Variants in GPLD1 observed in about 807,000 individuals in gnomAD.
GPLD1 encodes the protein phosphatidylinositol-glycan-specific phospholipase D.
Under a neutral mutation model 112.6 loss-of-function variants are expected in GPLD1, and 84 were observed. That is an observed-to-expected ratio of 0.75 (90% CI 0.63 to 0.89). The LOEUF (loss-of-function observed/expected upper bound fraction) is 0.89. Ranked by LOEUF, GPLD1 falls within the 40% of genes least tolerant of loss-of-function variation. GPLD1 has a pLI of 0.00. For synonymous variants in GPLD1, 386 were observed against 403.8 expected, an observed-to-expected ratio of 0.96 and a Z score of 0.53; for missense variants, 1,044 against 1,051.5, an observed-to-expected ratio of 0.99 and a Z score of 0.10.
At position 24,446,900 on chromosome 6, in the gene GPLD1, A is replaced by G; in HGVS notation, c.1758T>C (p.Gly586=). 6.2e-7 allele frequency: 1 copy of G among 1,614,098 alleles called. No individual in the cohort carries two copies. The change falls in exon 18 of 25, where the codon GGT becomes GGC. Residue 586 remains glycine, a synonymous_variant. Transcript: ENST00000230036. Reference sequence around the variant, plus strand: ...GCAAGGTTCTGTTGTCCACAGTGACACCGTGAAGGGAATATCCAAACCAGG... The same window carrying G: ...GCAAGGTTCTGTTGTCCACAGTGACGCCGTGAAGGGAATATCCAAACCAGG... The part of the protein sequence containing the change: ...DFSWFGYSLH[G]VTVDNRTLLL...
Position 24,477,926 on chromosome 6 carries a change from T to C in GPLD1, c.233-1648A>G, listed in dbSNP as rs372583194. Among the ~76,000 whole-genome samples the C allele has an allele frequency of 8.5e-5, 13 of 152,318 alleles. No homozygotes were observed. The East Asian group carries it at 2.3e-3, about 27-fold the overall frequency. On this transcript the variant is annotated intron_variant, in intron 3 of 24. Coordinates refer to ENST00000230036, the MANE Select transcript of GPLD1 (RefSeq NM_001503.4). The stretch of plus-strand genomic sequence containing the variant: ...TGCAAAAAAACCTAAGTGGAATAAG[T>C]GGAATTTGTATGCAAATTCCCTGTA...
intron 14 of GPLD1, among the ~76,000 whole-genome samples, chr6:24,453,528 C>G (rs777456643): frequency 3.9e-5 from 6 of 152,022 alleles, no homozygotes; most frequent in Non-Finnish European, 8.8e-5. Flanking sequence ...ACCAGCTACT[C>G]AGGAGGCTGA....
intron 7 of GPLD1, among the ~76,000 whole-genome samples, chr6:24,469,694 G>T (rs546247443): frequency 7.0e-6 from 1 of 142,234 alleles, no homozygotes; most frequent in East Asian, 2.1e-4. Context: ...CGAGTTAGTG[G>T]GTGCAGCGCA....
At chr6:24,429,698 C>T (rs1435235617) in intron 24 of GPLD1, among the ~76,000 whole-genome samples, 4 of 152,180 alleles carry the variant, frequency 2.6e-5, no homozygotes, top group Admixed American at 2.6e-4. Context: ...CAGGCATGTG[C>T]CACCACATCT....
intron 20 of GPLD1, among the ~76,000 whole-genome samples, chr6:24,445,026 T>C (rs1225176032): frequency 6.6e-6 from 1 of 152,014 alleles, no homozygotes; most frequent in Non-Finnish European, 1.5e-5. Flanking sequence ...CTTATTTTAT[T>C]TTATTTTTAT....
intron 3 of GPLD1, among the ~76,000 whole-genome samples, chr6:24,478,635 C>T (rs1489417732): frequency 1.3e-5 from 2 of 152,094 alleles, no homozygotes; most frequent in Non-Finnish European, 2.9e-5. Flanking sequence ...ACTGACAGAT[C>T]AGAGAAAAAG....
At chr6:24,462,663 A>G in intron 11 of GPLD1, 67 bp downstream of exon 11, 1 of 993,020 alleles carries the variant, frequency 1.0e-6, no homozygotes. Context: ...CGTGTTCTCA[A>G]CCTCTATAGG....
chr6:24,487,776 T>C (rs553557302), intron 1 of GPLD1, among the ~76,000 whole-genome samples: 2 of 152,338 alleles, frequency 1.3e-5, no homozygotes, highest in East Asian at 1.9e-4. Flanking sequence ...CTCTTTTCCA[T>C]TGTTTCCTGA....
intron 14 of GPLD1, among the ~76,000 whole-genome samples, chr6:24,450,385 C>T (rs1763042843): frequency 1.3e-5 from 2 of 152,126 alleles, no homozygotes; most frequent in African/African-American, 2.4e-5. Context: ...CCTGTAATCC[C>T]AGCTACTCTG....
At chr6:24,474,174 T>TACACACACACACACAC (rs56324939) in intron 5 of GPLD1, among the ~76,000 whole-genome samples, 72 of 145,634 alleles carry the variant, frequency 4.9e-4, no homozygotes, top group African/African-American at 1.6e-3. Context: ...CACACCCACA[T>TACACACACACACACAC]ACACACACAC....
intron 1 of GPLD1, chr6:24,494,728 C>G (rs778655513): frequency 2.9e-6 from 1 of 339,096 alleles, no homozygotes; most frequent in African/African-American, 2.1e-5. Context: ...CCTTCTCCAT[C>G]CCCGAACCCA....
Position 24,475,227 on chromosome 6 carries a change from G to T in GPLD1, c.335C>A (p.Thr112Lys), listed in dbSNP as rs752060847. 11 of 1,573,486 alleles carry T rather than the reference G, an allele frequency of 7.0e-6. No individual in the cohort carries two copies. The East Asian group carries it at 1.1e-4, about 16-fold the overall frequency. ...AAACAAGAAAGCTACCAGTTTCTCTGTGTCCTGCCAAACAAGCAAATTAGA... is the reference window on the plus strand; with the variant it reads ...AAACAAGAAAGCTACCAGTTTCTCTTTGTCCTGCCAAACAAGCAAATTAGA... ...ENYPLPWEKD[T>K]EKLVAFLFGI... Residue 112 changes from threonine (T) to lysine (K), a missense_variant, in exon 5 of 25, where the codon ACA (threonine) becomes AAA (lysine). By Grantham distance (78) the Thr-to-Lys change is moderately conservative. Coordinates refer to ENST00000230036, the MANE Select transcript of GPLD1 (RefSeq NM_001503.4).
intron 20 of GPLD1, among the ~76,000 whole-genome samples, chr6:24,443,245 G>C (rs9379661): frequency 0.4 from 60,859 of 152,012 alleles, 13,074 homozygotes; most frequent in East Asian, 0.6. Context: ...GAGAGCTCCC[G>C]GCTTCTAGTG....
Position 24,446,830 on chromosome 6 carries a change from A to G in GPLD1, c.1820+8T>C. On this transcript the variant is annotated splice_region_variant and intron_variant, in intron 18 of 24. Coordinates refer to ENST00000230036, the MANE Select transcript of GPLD1 (RefSeq NM_001503.4). ...TTCATGGTTCCCAGCCCCCAGCATC[A>G]GCCTCACCTGCTGGCATTCTTCCAG... The G allele has an allele frequency of 1.2e-6, 2 of 1,612,592 alleles. No homozygotes were observed. The highest frequency in any genetic ancestry group is 1.7e-6 in the Non-Finnish European group (2 of 1,179,338).
rs151012335 is a variant in GPLD1 at position 24,453,379 on chromosome 6, T to C, written c.1335+636A>G. Among the ~76,000 whole-genome samples, 1,436 of 152,312 alleles carry C rather than the reference T, an allele frequency of 9.4e-3. 4 individuals carry two copies. The highest frequency in any genetic ancestry group is 0.017 in the African/African-American group (691 of 41,562). ...GGACGGATGCAGTGGCTCACGCCTGTAATCCCAGCACTTTGGGAGGCCAAG... is the reference window on the plus strand; with the variant it reads ...GGACGGATGCAGTGGCTCACGCCTGCAATCCCAGCACTTTGGGAGGCCAAG... On this transcript the variant is annotated intron_variant, in intron 14 of 24. Coordinates refer to ENST00000230036, the MANE Select transcript of GPLD1 (RefSeq NM_001503.4).
At chr6:24,442,254 A>G (rs12198188) in intron 20 of GPLD1, among the ~76,000 whole-genome samples, 33,570 of 149,464 alleles carry the variant, frequency 0.22, 3,952 homozygotes, top group Non-Finnish European at 0.25. Flanking sequence ...TCCTCAGTAG[A>G]TGGAACTACA....
chr6:24,477,499 C>A lies in GPLD1; in HGVS notation c.233-1221G>T, dbSNP rs563329003. 2.0e-3 allele frequency among the ~76,000 whole-genome samples: 302 copies of A among 151,974 alleles called. 1 individual carries two copies. The highest frequency in any genetic ancestry group is 3.4e-3 in the Non-Finnish European group (234 of 67,972). ...TTTGGGAGGCTGAAGTGGGAGGACCCCCTGAGGCCAGGAGGTTGAGACTAG... is the reference window on the plus strand; with the variant it reads ...TTTGGGAGGCTGAAGTGGGAGGACCACCTGAGGCCAGGAGGTTGAGACTAG... On this transcript the variant is annotated intron_variant, in intron 3 of 24. Transcript: ENST00000230036.
At position 24,479,966 on chromosome 6, in the gene GPLD1, A is replaced by C; in HGVS notation, c.154-7T>G. ...CCTGGTGTTCTAGTAACAGCTGCAG[A>C]GCAAGAAAATACAGAGATTAAGGGG... On this transcript the variant is annotated splice_region_variant and splice_polypyrimidine_tract_variant and intron_variant, in intron 2 of 24. Transcript: ENST00000230036. 6.3e-7 allele frequency: 1 copy of C among 1,586,440 alleles called. No individual in the cohort carries two copies. The highest frequency in any genetic ancestry group is 2.2e-5 in the East Asian group (1 of 44,758).
intron 12 of GPLD1, among the ~76,000 whole-genome samples, chr6:24,458,791 T>C (rs1233609566): frequency 6.6e-6 from 1 of 151,864 alleles, no homozygotes; most frequent in African/African-American, 2.4e-5. Flanking sequence ...AGGCAGGGAA[T>C]TGCTTGAACC....
Sources: allele counts gnomAD v4.1 joint callset (sites outside exome capture counted in the v4.1 genomes callset), GRCh38; gene constraint gnomAD v4.1.1; transcripts MANE v1.5; gene names NCBI Gene and HGNC (gene_info 2026-07-23, HGNC 2026-07-21).